PIWIL2: variants seen among roughly 807,000 people sequenced by gnomAD.
PIWIL2 encodes piwi like RNA-mediated gene silencing 2, also known as piwi-like protein 2.
A neutral mutation model predicts 116.5 loss-of-function variants in PIWIL2; 81 were observed. The ratio of observed to expected loss-of-function variants is 0.70; its 90% confidence interval spans 0.58 to 0.84. The LOEUF is 0.84. Ranked by LOEUF, PIWIL2 falls within the 40% of genes least tolerant of loss-of-function variation. The pLI, the probability that PIWIL2 is intolerant of heterozygous loss-of-function variation, is 0.00. For missense variants in PIWIL2, 1,272 were observed against 1,212.3 expected, an observed-to-expected ratio of 1.05 and a Z score of -0.73; for synonymous variants, 489 against 429.5, an observed-to-expected ratio of 1.14 and a Z score of -1.71.
intron 20 of PIWIL2, among the ~76,000 whole-genome samples, chr8:22,326,737 A>G (rs796073082): frequency 3.9e-5 from 6 of 152,086 alleles, no homozygotes; most frequent in African/African-American, 1.4e-4. Flanking sequence ...TGATCCTTTC[A>G]CTTGTTGATA....
At chr8:22,352,019 G>C (rs369991259) in intron 20 of PIWIL2, among the ~76,000 whole-genome samples, 1 of 152,124 alleles carries the variant, frequency 6.6e-6, no homozygotes, top group East Asian at 1.9e-4. Context: ...ATCTCAGCTT[G>C]CTGCAACCTC....
At chr8:22,290,434 G>A in intron 10 of PIWIL2, 88 bp downstream of exon 10, 1 of 710,538 alleles carries the variant, frequency 1.4e-6, no homozygotes, top group Non-Finnish European at 2.5e-6. Flanking sequence ...ATTAGACATT[G>A]TTCTGTTTGT....
In PIWIL2 at chr8:22,355,336, T is replaced by C; in HGVS notation, c.2766-13T>C. 6.2e-7 allele frequency: 1 copy of C among 1,613,816 alleles called. No individual in the cohort carries two copies. On this transcript the variant is annotated splice_polypyrimidine_tract_variant and intron_variant, in intron 22 of 22. Coordinates refer to ENST00000356766, the MANE Select transcript of PIWIL2 (RefSeq NM_018068.5). ...GGGGATGATGAGAATTATATTTTCT[T>C]CTTGGCCTACAGGCTGACTTTCAAA...
At chr8:22,296,250 T>A (rs556418307) in intron 10 of PIWIL2, among the ~76,000 whole-genome samples, 1 of 152,104 alleles carries the variant, frequency 6.6e-6, no homozygotes, top group East Asian at 1.9e-4. Context: ...TCTCACCACA[T>A]TGATGAGGAC....
chr8:22,311,203 C>T lies in PIWIL2; in HGVS notation c.1892C>T (p.Pro631Leu). 3 of 1,614,102 alleles carry T rather than the reference C, an allele frequency of 1.9e-6. No individual in the cohort carries two copies. Among genetic ancestry groups the T allele is most frequent in the Non-Finnish European group, 2.5e-6 (3 of 1,179,992 alleles). Reference sequence around the variant, plus strand: ...AACATGTTGGAGAAGATAGCCGGCCCCATTGGCATGCGTATGAGCCCACCG... The same window carrying T: ...AACATGTTGGAGAAGATAGCCGGCCTCATTGGCATGCGTATGAGCCCACCG... ...LVNMLEKIAG[P>L]IGMRMSPPAW... Residue 631 changes from proline (P) to leucine (L), a missense_variant, in exon 16 of 23, where the codon CCC becomes CTC. Physicochemically the swap from Pro to Leu is moderately conservative, Grantham distance 98. Coordinates refer to ENST00000356766, the MANE Select transcript of PIWIL2 (RefSeq NM_018068.5).
At chr8:22,346,685 A>G (rs1183352884) in intron 20 of PIWIL2, among the ~76,000 whole-genome samples, 1 of 152,216 alleles carries the variant, frequency 6.6e-6, no homozygotes, top group Admixed American at 6.5e-5. Flanking sequence ...TTTTATTTAT[A>G]TGGATACATA....
intron 19 of PIWIL2, 52 bp from the exon 20 acceptor site, chr8:22,318,118 C>A (rs773674568): frequency 1.7e-6 from 2 of 1,148,022 alleles, no homozygotes; most frequent in Non-Finnish European, 2.6e-6. Context: ...CTGTCCCCTT[C>A]GAGCATTTGT....
chr8:22,349,433 A>ATATG (rs1160075766), intron 20 of PIWIL2, among the ~76,000 whole-genome samples: 1 of 147,304 alleles, frequency 6.8e-6, no homozygotes, highest in Non-Finnish European at 1.5e-5. Flanking sequence ...ATATATATAT[A>ATATG]TATATATATA....
chr8:22,275,551 G>T (rs913686363), intron 1 of PIWIL2, 153 bp downstream of exon 1: 2 of 152,318 alleles, frequency 1.3e-5, no homozygotes, highest in Admixed American at 1.3e-4. Context: ...GGGTCGGGCG[G>T]GGGCGGGAAG....
chr8:22,350,342 T>G (rs1832326303), intron 20 of PIWIL2, among the ~76,000 whole-genome samples: 1 of 152,186 alleles, frequency 6.6e-6, no homozygotes, highest in Non-Finnish European at 1.5e-5. Context: ...ACACCTGTGA[T>G]CTCAGCACTT....
At chr8:22,302,259 G>T (rs748800055) in intron 10 of PIWIL2, among the ~76,000 whole-genome samples, 2 of 152,048 alleles carry the variant, frequency 1.3e-5, no homozygotes, top group Admixed American at 1.3e-4. Context: ...TTGGCTCACT[G>T]CAATCACTGC....
At chr8:22,329,092 G>A (rs916095906) in intron 20 of PIWIL2, among the ~76,000 whole-genome samples, 3 of 151,950 alleles carry the variant, frequency 2.0e-5, no homozygotes, top group Non-Finnish European at 2.9e-5. Flanking sequence ...TATGATGTTA[G>A]CTCTGAGTTT....
chr8:22,331,627 G>A (rs1340579873), intron 20 of PIWIL2, among the ~76,000 whole-genome samples: 1 of 152,012 alleles, frequency 6.6e-6, no homozygotes, highest in Non-Finnish European at 1.5e-5. Context: ...TCAGTACATG[G>A]GTGTATTAGT....
intron 10 of PIWIL2, among the ~76,000 whole-genome samples, chr8:22,295,060 C>T (rs960009629): frequency 6.6e-6 from 1 of 151,970 alleles, no homozygotes; most frequent in African/African-American, 2.4e-5. Context: ...GCCTGGGCAA[C>T]AGAGCGAGAC....
At chr8:22,326,411 A>T (rs1831725546) in intron 20 of PIWIL2, among the ~76,000 whole-genome samples, 1 of 152,138 alleles carries the variant, frequency 6.6e-6, no homozygotes, top group Non-Finnish European at 1.5e-5. Flanking sequence ...AGTCCCAGGT[A>T]CTTGGGGGGC....
At chr8:22,277,033 AT>A (rs553016038) in intron 1 of PIWIL2, among the ~76,000 whole-genome samples, 206 of 146,230 alleles carry the variant, frequency 1.4e-3, no homozygotes, top group African/African-American at 4.6e-3. Flanking sequence ...ATATATATAT[AT>A]TTTTTTTTTT....
chr8:22,308,721 GTTAT>G (rs1831250496), intron 14 of PIWIL2, among the ~76,000 whole-genome samples: 1 of 152,138 alleles, frequency 6.6e-6, no homozygotes, highest in African/African-American at 2.4e-5. Flanking sequence ...CTTTGTGTGT[GTTAT>G]TTATTTTTTT....
intron 6 of PIWIL2, among the ~76,000 whole-genome samples, chr8:22,285,432 C>T (rs377518770): frequency 2.6e-4 from 40 of 152,156 alleles, no homozygotes; most frequent in Non-Finnish European, 4.0e-4. Flanking sequence ...TATAGTATTC[C>T]GTTGTGTATG....
intron 20 of PIWIL2, among the ~76,000 whole-genome samples, chr8:22,338,337 A>G (rs534596925): frequency 7.3e-4 from 111 of 152,326 alleles, no homozygotes; most frequent in African/African-American, 2.6e-3. Context: ...ACAAAAGTCA[A>G]TCACTTAAAA....
Sources: gnomAD v4.1 joint callset for allele counts (sites outside exome capture counted in the v4.1 genomes callset) on GRCh38, gnomAD v4.1.1 for gene constraint, MANE v1.5 for transcripts, NCBI Gene and HGNC (gene_info 2026-07-23, HGNC 2026-07-21) for gene names.